Variants in SUGCT observed in about 807,000 individuals in gnomAD.
SUGCT encodes the protein succinyl-CoA:glutarate-CoA transferase, also known as succinyl-CoA:glutarate CoA-transferase.
Under a neutral mutation model 55.0 loss-of-function variants are expected in SUGCT, and 41 were observed. That is an observed-to-expected ratio of 0.74 (90% CI 0.58 to 0.97). The LOEUF (loss-of-function observed/expected upper bound fraction) is 0.97. Ranked by LOEUF, SUGCT falls within the 50% of genes least tolerant of loss-of-function variation. The pLI, the probability that SUGCT is intolerant of heterozygous loss-of-function variation, is 0.00. For synonymous variants in SUGCT, 187 were observed against 200.4 expected, an observed-to-expected ratio of 0.93 and a Z score of 0.56; for missense variants, 568 against 547.8, an observed-to-expected ratio of 1.04 and a Z score of -0.37.
intron 9 of SUGCT, among the ~76,000 whole-genome samples, chr7:40,335,347 C>T (rs1245152535): frequency 6.6e-6 from 1 of 151,782 alleles, no homozygotes; most frequent in African/African-American, 2.4e-5. Context: ...GCAGTATGGC[C>T]ATTTTCACGA....
chr7:40,736,412 A>G (rs1787170059), intron 12 of SUGCT, among the ~76,000 whole-genome samples: 1 of 151,310 alleles, frequency 6.6e-6, no homozygotes, highest in Non-Finnish European at 1.5e-5. Flanking sequence ...ATATTTTACC[A>G]TGCTTAGGAA....
chr7:40,569,702 A>T (rs911283892), intron 12 of SUGCT, among the ~76,000 whole-genome samples: 1 of 152,134 alleles, frequency 6.6e-6, no homozygotes, highest in East Asian at 1.9e-4. Context: ...ATATGGAAGG[A>T]TTATAAAAAA....
intron 10 of SUGCT, among the ~76,000 whole-genome samples, chr7:40,455,587 A>G (rs1232367491): frequency 6.6e-6 from 1 of 152,220 alleles, no homozygotes; most frequent in Non-Finnish European, 1.5e-5. Flanking sequence ...GTCATCTCAG[A>G]AAACTTGTTT....
intron 8 of SUGCT, among the ~76,000 whole-genome samples, chr7:40,278,140 A>G (rs1792663502): frequency 6.6e-6 from 1 of 152,182 alleles, no homozygotes; most frequent in African/African-American, 2.4e-5. Flanking sequence ...ACACTTCTCA[A>G]AAGAAGACAT....
At chr7:40,637,744 C>G (rs572374606) in intron 12 of SUGCT, among the ~76,000 whole-genome samples, 1 of 152,324 alleles carries the variant, frequency 6.6e-6, no homozygotes, top group Admixed American at 6.5e-5. Context: ...AGTGATCATA[C>G]TCACACATTA....
At chr7:40,385,627 T>C (rs765481314) in intron 9 of SUGCT, among the ~76,000 whole-genome samples, 11 of 152,230 alleles carry the variant, frequency 7.2e-5, no homozygotes, top group Non-Finnish European at 8.8e-5. Flanking sequence ...ACTATGTTTC[T>C]CCTTTTTTCT....
intron 9 of SUGCT, among the ~76,000 whole-genome samples, chr7:40,442,062 G>T (rs932668880): frequency 1.6e-4 from 25 of 152,110 alleles, no homozygotes; most frequent in African/African-American, 6.0e-4. Context: ...TGACGATAGT[G>T]ATGTTATCTA....
At chr7:40,865,683 C>T (rs781092890), downstream of SUGCT, among the ~76,000 whole-genome samples, 4 of 152,176 alleles carry the variant, frequency 2.6e-5, no homozygotes, top group African/African-American at 7.2e-5. Flanking sequence ...GAGAGCATGA[C>T]AGTGTGATCG....
intron 1 of SUGCT, among the ~76,000 whole-genome samples, chr7:40,160,682 G>C (rs1333152189): frequency 6.6e-6 from 1 of 152,084 alleles, no homozygotes; most frequent in Non-Finnish European, 1.5e-5. Context: ...AGATAAATGT[G>C]CATGTAGAAA....
intron 12 of SUGCT, among the ~76,000 whole-genome samples, chr7:40,519,367 C>T (rs1793409687): frequency 6.6e-6 from 1 of 151,942 alleles, no homozygotes; most frequent in African/African-American, 2.4e-5. Flanking sequence ...TTAGTTTTGG[C>T]AATTGTACCA....
At chr7:40,640,977 T>C (rs1459776865) in intron 12 of SUGCT, among the ~76,000 whole-genome samples, 1 of 152,250 alleles carries the variant, frequency 6.6e-6, no homozygotes, top group Non-Finnish European at 1.5e-5. Flanking sequence ...TTTGGTGTTT[T>C]ACTATTGGAG....
At chr7:40,518,136 A>G (rs1191173702) in intron 12 of SUGCT, among the ~76,000 whole-genome samples, 2 of 152,132 alleles carry the variant, frequency 1.3e-5, no homozygotes, top group African/African-American at 4.8e-5. Flanking sequence ...TAGTATATAT[A>G]TGAAGAAAAA....
the SUGCT span, among the ~76,000 whole-genome samples, chr7:41,022,167 T>C: frequency 0.013 from 2,050 of 152,188 alleles, 45 homozygotes; most frequent in African/African-American, 0.045. Flanking sequence ...ATGTGAACAA[T>C]GGACTGCCAA....
At chr7:40,249,313 C>CTATATGTATATATATATATA in intron 7 of SUGCT, among the ~76,000 whole-genome samples, 1 of 79,512 alleles carries the variant, frequency 1.3e-5, no homozygotes, top group South Asian at 4.6e-4. Flanking sequence ...CACCAAAAAG[C>CTATATGTATATATATATATA]TATATATATA....
intron 9 of SUGCT, among the ~76,000 whole-genome samples, chr7:40,377,211 T>C: frequency 5.9e-5 from 1 of 16,836 alleles, no homozygotes; most frequent in African/African-American, 9.2e-5. Context: ...TTCTTTTCTT[T>C]TCTTTCTTTT....
At chr7:40,964,760 A>C in the SUGCT span, 1 of 152,220 alleles carries the variant, frequency 6.6e-6, no homozygotes, top group Non-Finnish European at 1.5e-5. Context: ...CTCAGAGCCT[A>C]ACTCTGTGGG....
intron 7 of SUGCT, among the ~76,000 whole-genome samples, chr7:40,239,282 T>C (rs117794637): frequency 0.015 from 2,243 of 152,260 alleles, 46 homozygotes; most frequent in Middle Eastern, 0.027. Context: ...TGTCCCATTA[T>C]GTTGCTCAGG....
intron 7 of SUGCT, among the ~76,000 whole-genome samples, chr7:40,249,317 A>ATATCTATATATCTATATATATATC (rs1562611996): frequency 3.7e-4 from 8 of 21,528 alleles, no homozygotes; most frequent in Non-Finnish European, 8.6e-4. Context: ...AAAAAGCTAT[A>ATATCTATATATCTATATATATATC]TATATATATA....
At chr7:40,348,277 C>G (rs772809878) in intron 9 of SUGCT, among the ~76,000 whole-genome samples, 13 of 152,162 alleles carry the variant, frequency 8.5e-5, no homozygotes, top group Admixed American at 3.9e-4. Flanking sequence ...GGTGGTTAGA[C>G]CTGGCACTTG....
Sources: allele counts gnomAD v4.1 joint callset (sites outside exome capture counted in the v4.1 genomes callset), GRCh38; gene constraint gnomAD v4.1.1; transcripts MANE v1.5; gene names NCBI Gene and HGNC (gene_info 2026-07-23, HGNC 2026-07-21).